Variants in TLN2 observed in about 807,000 individuals in gnomAD.
TLN2 encodes the protein talin 2.
In TLN2, 118 loss-of-function variants were observed where a neutral mutation model predicts 294.7. The observed-to-expected ratio is 0.40, with a 90% CI of 0.34 to 0.47. TLN2 has a LOEUF of 0.47. Among genes scored for constraint, TLN2 ranks in the 20% least tolerant of loss-of-function variants. TLN2 has a pLI of 0.84. For missense variants in TLN2, 3,083 were observed against 3,282.2 expected (o/e 0.94, Z 1.48); for synonymous variants, 1,431 against 1,304.5 (o/e 1.10, Z -2.09).
intron 44 of TLN2, 58 bp from the exon 45 acceptor site, chr15:62,783,713 G>A (rs1327381276): frequency 1.5e-5 from 22 of 1,425,636 alleles, no homozygotes; most frequent in South Asian, 9.3e-5. Context: ...GTTCTCATGC[G>A]TTTCTCTCTG....
chr15:62,624,783 C>T (rs1475233955), intron 3 of TLN2, among the ~76,000 whole-genome samples: 1 of 152,054 alleles, frequency 6.6e-6, no homozygotes, highest in Non-Finnish European at 1.5e-5. Flanking sequence ...GCAGTAAGGG[C>T]AAAGAGAGTC....
rs141040844 is a variant in TLN2 at position 62,528,729 on chromosome 15, C to G, written c.-237-60958C>G. 1.9e-3 allele frequency among the ~76,000 whole-genome samples: 274 copies of G among 143,066 alleles called. 4 individuals are homozygous for G. In the Admixed American group the frequency reaches 0.02, roughly 10 times the overall value. The allele number at this position is 143,066 out of a possible 152,430, so 93.9% of individuals were successfully genotyped here. A position where few individuals can be genotyped will look rare whatever the true frequency, so the allele number is the denominator to read the frequency against. On this transcript the variant is annotated intron_variant, in intron 1 of 58. Transcript: ENST00000636159. The stretch of plus-strand genomic sequence containing the variant: ...CAAACAAGTCGGGTCAGAATGTCAC[C>G]ACTGGGTGGCTGATCTTGGATATCG...
chr15:62,730,029 C>CTTTT (rs11368681), intron 28 of TLN2, among the ~76,000 whole-genome samples: 5 of 121,170 alleles, frequency 4.1e-5, no homozygotes, highest in South Asian at 2.6e-4. Context: ...TTATTGTTGT[C>CTTTT]TTTTTTTTTT....
At chr15:62,548,223 G>A (rs1376890089) in intron 1 of TLN2, among the ~76,000 whole-genome samples, 1 of 152,180 alleles carries the variant, frequency 6.6e-6, no homozygotes, top group Non-Finnish European at 1.5e-5. Flanking sequence ...GAGAGAGCAA[G>A]GGAGGAACAT....
At position 62,800,478 on chromosome 15, in the gene TLN2, C is replaced by A. The variant is rs776434370; in HGVS notation, c.6345C>A (p.Leu2115=). The A allele has an allele frequency of 6.2e-7, 1 of 1,614,178 alleles. No homozygotes were observed. The highest frequency in any genetic ancestry group is 8.5e-7 in the Non-Finnish European group (1 of 1,180,018). The stretch of plus-strand genomic sequence containing the variant: ...TGGACGACCCTTCCATGTACCAGCT[C>A]AAGGGGGCTGCCAAGGTAGAGTGGG... ...KPVDDPSMYQ[L]KGAAKVMVTN... is the part of the protein sequence containing the mutation. Residue 2115 remains leucine (L), a synonymous_variant, in exon 49 of 59, where the codon CTC becomes CTA. Transcript: ENST00000636159.
chr15:62,430,737 C>T (rs916562028), intron 1 of TLN2, among the ~76,000 whole-genome samples: 1 of 151,984 alleles, frequency 6.6e-6, no homozygotes, highest in East Asian at 1.9e-4. Flanking sequence ...TAAGTCATGG[C>T]CCGGTATGTC....
chr15:62,720,005 A>G, intron 25 of TLN2, 125 bp downstream of exon 25: 1 of 660,932 alleles, frequency 1.5e-6, no homozygotes, highest in South Asian at 3.1e-5. Context: ...CAGGGCTTGA[A>G]GGCCTCTTCT....
intron 2 of TLN2, among the ~76,000 whole-genome samples, chr15:62,601,153 T>A (rs985663851): frequency 1.3e-5 from 2 of 152,222 alleles, no homozygotes; most frequent in African/African-American, 4.8e-5. Context: ...ATAATTTTCC[T>A]TTCCAGTCTT....
chr15:62,483,912 G>C (rs748682526), intron 1 of TLN2, among the ~76,000 whole-genome samples: 1 of 152,230 alleles, frequency 6.6e-6, no homozygotes, highest in South Asian at 2.1e-4. Context: ...TCTTTGGCCA[G>C]CTGCATGCCT....
At chr15:62,485,593 G>A (rs2038347645) in intron 1 of TLN2, among the ~76,000 whole-genome samples, 1 of 152,186 alleles carries the variant, frequency 6.6e-6, no homozygotes, top group Non-Finnish European at 1.5e-5. Flanking sequence ...AATCCTTTAT[G>A]GTGATTGTCA....
chr15:62,796,314 G>A (rs752766587), intron 47 of TLN2, 21 bp downstream of exon 47: 1 of 1,604,232 alleles, frequency 6.2e-7, no homozygotes, highest in East Asian at 2.2e-5. Context: ...GTCCTGGACG[G>A]GGAGAGGTTC....
At chr15:62,548,260 G>A (rs1449780365) in intron 1 of TLN2, among the ~76,000 whole-genome samples, 1 of 152,164 alleles carries the variant, frequency 6.6e-6, no homozygotes, top group Non-Finnish European at 1.5e-5. Context: ...ACACACAAAT[G>A]AGGAGCTAGG....
intron 42 of TLN2, among the ~76,000 whole-genome samples, chr15:62,773,571 C>A (rs1032893294): frequency 2.0e-5 from 3 of 152,048 alleles, no homozygotes; most frequent in African/African-American, 7.2e-5. Flanking sequence ...ACTTAATCAC[C>A]TTGAGTGTTA....
chr15:62,711,525 G>T (rs1330662051), intron 21 of TLN2, among the ~76,000 whole-genome samples: 1 of 152,200 alleles, frequency 6.6e-6, no homozygotes, highest in Non-Finnish European at 1.5e-5. Context: ...TCTTCAAAAA[G>T]TTTATTATAG....
intron 58 of TLN2, among the ~76,000 whole-genome samples, chr15:62,839,405 AG>A (rs1359053930): frequency 6.6e-6 from 1 of 152,240 alleles, no homozygotes; most frequent in Non-Finnish European, 1.5e-5. Flanking sequence ...TATTGTAGAA[AG>A]GAAGAAGAGC....
At chr15:62,772,449 G>C (rs915811625) in intron 42 of TLN2, among the ~76,000 whole-genome samples, 1 of 152,040 alleles carries the variant, frequency 6.6e-6, no homozygotes, top group Non-Finnish European at 1.5e-5. Context: ...TTTTGACTGC[G>C]ATGGAGAAAC....
chr15:62,689,263 C>A lies in TLN2; in HGVS notation c.1113+2467C>A, dbSNP rs186854360. 2.0e-3 allele frequency among the ~76,000 whole-genome samples: 308 copies of A among 152,154 alleles called. 2 individuals are homozygous for A. Among genetic ancestry groups the A allele is most frequent in the African/African-American group, 7.2e-3 (300 of 41,518 alleles). The stretch of plus-strand genomic sequence containing the variant: ...TTCCCCCTTAAGTGTAGAAACCTTA[C>A]TTCCATTTAGGTCTTTTTACCTACC... On this transcript the variant is annotated intron_variant, in intron 12 of 58. Transcript: ENST00000636159.
intron 26 of TLN2, among the ~76,000 whole-genome samples, chr15:62,723,824 A>G (rs1263424443): frequency 6.6e-6 from 1 of 151,454 alleles, no homozygotes; most frequent in Non-Finnish European, 1.5e-5. Context: ...TGTTAGGATT[A>G]CAGGCGTGAG....
chr15:62,689,070 T>C lies in TLN2; in HGVS notation c.1113+2274T>C, dbSNP rs77142544. On this transcript the variant is annotated intron_variant, in intron 12 of 58. Coordinates refer to ENST00000636159, the MANE Select transcript of TLN2 (RefSeq NM_015059.3). The stretch of plus-strand genomic sequence containing the variant: ...TTGTCCACTTTATTTCTCTCTCTCT[T>C]TTTTTTTTTTTTTTTGCCTTTTCTG... 3.6e-3 allele frequency among the ~76,000 whole-genome samples: 475 copies of C among 132,090 alleles called. 1 individual carries two copies. The highest frequency in any genetic ancestry group is 5.0e-3 in the Non-Finnish European group (325 of 65,354). 86.7% of individuals were successfully genotyped at this position (132,090 alleles called of 152,430 possible).
Sources: allele counts gnomAD v4.1 joint callset (sites outside exome capture counted in the v4.1 genomes callset), GRCh38; gene constraint gnomAD v4.1.1; transcripts MANE v1.5; gene names NCBI Gene and HGNC (gene_info 2026-07-23, HGNC 2026-07-21).